Variants in IFT88 observed in about 807,000 individuals in gnomAD.
IFT88 encodes the protein intraflagellar transport 88.
In IFT88, 74 loss-of-function variants were observed where a neutral mutation model predicts 119.5. The observed-to-expected ratio is 0.62, with a 90% confidence interval of 0.51 to 0.75. The LOEUF (loss-of-function observed/expected upper bound fraction) is 0.75. Among genes scored for constraint, IFT88 ranks in the 30% least tolerant of loss-of-function variants. IFT88 has a pLI of 0.00. For synonymous variants in IFT88, 279 were observed against 316.7 expected, an observed-to-expected ratio of 0.88 and a Z score of 1.26; for missense variants, 961 against 977.7, an observed-to-expected ratio of 0.98 and a Z score of 0.23.
At chr13:20,678,185 C>T (rs577267673) in intron 24 of IFT88, among the ~76,000 whole-genome samples, 49 of 152,184 alleles carry the variant, frequency 3.2e-4, no homozygotes, top group Non-Finnish European at 5.1e-4. Context: ...AGGATATAAA[C>T]TATTCTCTCA....
At chr13:20,650,029 C>G (rs1157807214) in intron 20 of IFT88, among the ~76,000 whole-genome samples, 1 of 152,148 alleles carries the variant, frequency 6.6e-6, no homozygotes, top group African/African-American at 2.4e-5. Flanking sequence ...CATGGATTCA[C>G]TGGTGAATTC....
At chr13:20,685,351 C>T (rs755186197) in intron 24 of IFT88, among the ~76,000 whole-genome samples, 1 of 152,156 alleles carries the variant, frequency 6.6e-6, no homozygotes, top group Non-Finnish European at 1.5e-5. Flanking sequence ...CTGCAGAAAT[C>T]CTTTTTATGG....
intron 19 of IFT88, among the ~76,000 whole-genome samples, chr13:20,644,035 G>A (rs1319917608): frequency 1.3e-5 from 2 of 152,088 alleles, no homozygotes; most frequent in Non-Finnish European, 1.5e-5. Flanking sequence ...TTACTACCAC[G>A]CCAGGCCTGA....
intron 24 of IFT88, among the ~76,000 whole-genome samples, chr13:20,674,967 C>T (rs1418602872): frequency 6.6e-6 from 1 of 151,814 alleles, no homozygotes; most frequent in Non-Finnish European, 1.5e-5. Context: ...CCCGCCTCAG[C>T]CTCCCAAAGT....
chr13:20,620,669 A>C (rs1201214654), intron 14 of IFT88, among the ~76,000 whole-genome samples: 1 of 151,308 alleles, frequency 6.6e-6, no homozygotes, highest in African/African-American at 2.4e-5. Flanking sequence ...GGGTTCAGGC[A>C]ATTTCCCTGC....
intron 4 of IFT88, among the ~76,000 whole-genome samples, chr13:20,590,502 G>A (rs2040477991): frequency 6.6e-6 from 1 of 152,118 alleles, no homozygotes; most frequent in African/African-American, 2.4e-5. Context: ...TTATATGAGT[G>A]AAGAAAGTAG....
intron 13 of IFT88, among the ~76,000 whole-genome samples, chr13:20,606,122 G>T (rs1229599034): frequency 2.0e-5 from 3 of 152,158 alleles, no homozygotes; most frequent in Non-Finnish European, 4.4e-5. Context: ...AACTGGGGTG[G>T]TGTCAGAAAA....
At chr13:20,687,960 C>G (rs572909817) in intron 24 of IFT88, among the ~76,000 whole-genome samples, 1 of 152,272 alleles carries the variant, frequency 6.6e-6, no homozygotes, top group Admixed American at 6.5e-5. Context: ...TCAAAAAGGC[C>G]AGAGCAGAGG....
At position 20,630,711 on chromosome 13, in the gene IFT88, T is replaced by C. The variant is rs557905114; in HGVS notation, c.1300-305T>C. Among the ~76,000 whole-genome samples, 4 of 152,322 alleles carry C rather than the reference T, an allele frequency of 2.6e-5. No individual in the cohort carries two copies. The South Asian group carries it at 8.3e-4, about 32-fold the overall frequency. The stretch of plus-strand genomic sequence containing the variant: ...ACCATGCCCAGCCTTCCAAGGCTCA[T>C]TATTTACTACTGACCTTTCTTCCAG... On this transcript the variant is annotated intron_variant, in intron 15 of 25. Transcript: ENST00000351808.
chr13:20,661,789 G>A (rs991993914), intron 22 of IFT88, among the ~76,000 whole-genome samples: 1 of 151,902 alleles, frequency 6.6e-6, no homozygotes, highest in African/African-American at 2.4e-5. Flanking sequence ...TAAATTTTAG[G>A]AATGTTTTCT....
At chr13:20,612,709 G>C (rs946436889) in intron 13 of IFT88, among the ~76,000 whole-genome samples, 2 of 152,118 alleles carry the variant, frequency 1.3e-5, no homozygotes, top group East Asian at 3.9e-4. Context: ...GCAAAGTTGG[G>C]ACTCAAACTA....
intron 24 of IFT88, among the ~76,000 whole-genome samples, chr13:20,672,331 T>A (rs2056028424): frequency 6.6e-6 from 1 of 152,142 alleles, no homozygotes; most frequent in African/African-American, 2.4e-5. Flanking sequence ...CCTGTTTATC[T>A]TCAGGAGCCA....
intron 1 of IFT88, among the ~76,000 whole-genome samples, chr13:20,570,382 A>G (rs575008279): frequency 3.0e-4 from 45 of 152,354 alleles, no homozygotes; most frequent in African/African-American, 1.0e-3. Context: ...TATATTCCCA[A>G]TAGAATTGGA....
intron 15 of IFT88, 104 bp downstream of exon 15, chr13:20,625,953 T>G: frequency 2.3e-6 from 1 of 431,456 alleles, no homozygotes; most frequent in Non-Finnish European, 4.0e-6. Flanking sequence ...GTGATTATTC[T>G]GAAGTTGAAT....
chr13:20,642,746 A>G (rs561175084), intron 18 of IFT88: 1 of 152,028 alleles, frequency 6.6e-6, no homozygotes, highest in South Asian at 2.1e-4. Context: ...CCAGTCAAGC[A>G]ACTGATGTAT....
chr13:20,622,146 G>A (rs1357041002), intron 14 of IFT88, among the ~76,000 whole-genome samples: 2 of 152,082 alleles, frequency 1.3e-5, no homozygotes, highest in African/African-American at 4.8e-5. Context: ...TCCAGAGTCT[G>A]TAATCCTCCA....
chr13:20,688,555 G>A (rs981602513), intron 24 of IFT88, among the ~76,000 whole-genome samples: 2 of 152,162 alleles, frequency 1.3e-5, no homozygotes, highest in African/African-American at 4.8e-5. Context: ...GAGGCTACAA[G>A]GTGCCTACAA....
chr13:20,608,471 C>G (rs145105442), intron 13 of IFT88, among the ~76,000 whole-genome samples: 2,552 of 152,296 alleles, frequency 0.017, 39 homozygotes, highest in Non-Finnish European at 0.027. Context: ...TGGAATTATT[C>G]CCCAAACGGT....
intron 20 of IFT88, among the ~76,000 whole-genome samples, chr13:20,652,442 G>T (rs887026841): frequency 2.0e-5 from 3 of 151,798 alleles, no homozygotes; most frequent in Non-Finnish European, 4.4e-5. Flanking sequence ...TTTGAAACTA[G>T]CCTGGGCAAC....
Sources: allele counts gnomAD v4.1 joint callset (sites outside exome capture counted in the v4.1 genomes callset), GRCh38; gene constraint gnomAD v4.1.1; transcripts MANE v1.5; gene names NCBI Gene and HGNC (gene_info 2026-07-23, HGNC 2026-07-21).